Variants in CCND3 observed in about 807,000 individuals in gnomAD.
CCND3 encodes the protein cyclin D3.
In CCND3, 9 loss-of-function variants were observed where a neutral mutation model predicts 28.7. The ratio of observed to expected loss-of-function variants is 0.31; its 90% CI spans 0.19 to 0.55. The LOEUF is 0.55. CCND3 is among the 20% of genes least tolerant of loss of function. CCND3 has a pLI of 0.93. For synonymous variants in CCND3, 164 were observed against 163.9 expected (o/e 1.00, Z 0.00); for missense variants, 315 against 385.8 (o/e 0.82, Z 1.54).
intron 1 of CCND3, among the ~76,000 whole-genome samples, chr6:42,001,351 C>A (rs1488308264): frequency 6.6e-6 from 1 of 151,712 alleles, no homozygotes; most frequent in Non-Finnish European, 1.5e-5. Flanking sequence ...TAGAAACATC[C>A]CAAATGTCTA....
At chr6:42,038,619 A>T (rs1035411575) in intron 1 of CCND3, among the ~76,000 whole-genome samples, 2 of 152,156 alleles carry the variant, frequency 1.3e-5, no homozygotes, top group African/African-American at 4.8e-5. Flanking sequence ...TATAGAAATA[A>T]CCACTAGTTC....
chr6:42,039,694 T>A (rs1764314973), intron 1 of CCND3, among the ~76,000 whole-genome samples: 1 of 152,218 alleles, frequency 6.6e-6, no homozygotes. Flanking sequence ...GTTGGGCTGA[T>A]TCAACCAGAG....
At chr6:41,986,929 T>C (rs1158464943) in intron 1 of CCND3, among the ~76,000 whole-genome samples, 1 of 152,082 alleles carries the variant, frequency 6.6e-6, no homozygotes, top group Non-Finnish European at 1.5e-5. Context: ...GCAATCCTGA[T>C]AGCCACTGCA....
chr6:41,968,436 G>A (rs1397160017), intron 1 of CCND3, among the ~76,000 whole-genome samples: 1 of 152,108 alleles, frequency 6.6e-6, no homozygotes, highest in East Asian at 1.9e-4. Flanking sequence ...AGCTAAGAAG[G>A]ATGCAGCCAA....
At chr6:42,001,167 G>C (rs1029121439) in intron 1 of CCND3, among the ~76,000 whole-genome samples, 3 of 148,614 alleles carry the variant, frequency 2.0e-5, no homozygotes, top group African/African-American at 5.0e-5. Flanking sequence ...CCTAGGAGGT[G>C]GAGGTTGCAG....
In CCND3 at chr6:41,941,171, G is replaced by A. The variant is rs1303701113; in HGVS notation, c.198+281C>T. 1.9e-5 allele frequency: 27 copies of A among 1,452,058 alleles called. No individual in the cohort carries two copies. The Admixed American group carries it at 7.5e-4, about 40-fold the overall frequency. 89.9% of individuals were successfully genotyped at this position (1,452,058 alleles called of 1,614,324 possible). On this transcript the variant is annotated intron_variant, in intron 1 of 4. Transcript: ENST00000372991. This position sits in a 1 kb window ranked among gnomAD's most constrained non-coding sequence, Gnocchi z 6.1. Reference sequence around the variant, plus strand: ...AGGGAAGCGGGAGACGCTGTGAGAAGCCGAAGGGGAGAGAGTGTCCTTGGT... The same window carrying A: ...AGGGAAGCGGGAGACGCTGTGAGAAACCGAAGGGGAGAGAGTGTCCTTGGT...
chr6:41,959,978 A>C (rs1280595891), intron 1 of CCND3, among the ~76,000 whole-genome samples: 1 of 152,146 alleles, frequency 6.6e-6, no homozygotes, highest in African/African-American at 2.4e-5. Context: ...AATGGAAACA[A>C]CCCAACATTT....
chr6:41,974,815 C>T (rs191487146), intron 1 of CCND3, among the ~76,000 whole-genome samples: 1,449 of 105,824 alleles, frequency 0.014, 31 homozygotes, highest in African/African-American at 0.051. Flanking sequence ...TTTTTTGAGA[C>T]GGAGTCTAGC....
chr6:42,020,996 C>T (rs903108854), intron 1 of CCND3, among the ~76,000 whole-genome samples: 13 of 152,208 alleles, frequency 8.5e-5, no homozygotes, highest in African/African-American at 2.4e-4. Flanking sequence ...AGGTGATCCG[C>T]GTGCCTCGGC....
chr6:41,949,283 A>G (rs1776246504), intron 1 of CCND3, among the ~76,000 whole-genome samples: 1 of 152,012 alleles, frequency 6.6e-6, no homozygotes, highest in Non-Finnish European at 1.5e-5. Context: ...GTCGTTCAAG[A>G]CCAGCGAGGC....
chr6:41,937,049 T>C (rs1357726796), intron 3 of CCND3, 186 bp downstream of exon 3: 1 of 653,846 alleles, frequency 1.5e-6, no homozygotes, highest in Admixed American at 2.7e-5. Context: ...CACTACAAAC[T>C]GGAGGGGTCT....
chr6:41,963,439 A>G (rs1761774269), intron 1 of CCND3, among the ~76,000 whole-genome samples: 1 of 152,234 alleles, frequency 6.6e-6, no homozygotes, highest in Non-Finnish European at 1.5e-5. Context: ...TCAGCTTTAC[A>G]TAAGGAAAAG....
rs1442096008 is a variant in CCND3, at chr6:41,940,559, C to T, written c.225G>A (p.Glu75=). Residue 75 remains glutamate (E), a synonymous_variant, in exon 2 of 5, where the codon GAG becomes GAA. Coordinates refer to ENST00000372991, the MANE Select transcript of CCND3 (RefSeq NM_001760.5). ...LEVCEEQRCE[E]EVFPLAMNYL... ...AGTTCATGGCCAGGGGGAAGACTTC[C>T]TCCTCACAGCGCTGCTCCTCACATA... 4.3e-6 allele frequency: 7 copies of T among 1,613,670 alleles called. No individual in the cohort carries two copies. In the Admixed American group the frequency reaches 8.3e-5, roughly 19 times the overall value.
intron 1 of CCND3, among the ~76,000 whole-genome samples, chr6:42,031,814 T>A (rs1205019486): frequency 6.5e-5 from 7 of 107,018 alleles, no homozygotes; most frequent in African/African-American, 6.7e-5. Flanking sequence ...CAACTGACTC[T>A]TTTTTTTTTT....
chr6:42,000,258 T>TTG (rs1762957295), intron 1 of CCND3, among the ~76,000 whole-genome samples: 1 of 119,928 alleles, frequency 8.3e-6, no homozygotes, highest in Non-Finnish European at 1.7e-5. Context: ...TTTTTTTTTT[T>TTG]TTTGGGACAG....
intron 1 of CCND3, among the ~76,000 whole-genome samples, chr6:42,034,217 G>A (rs980353990): frequency 2.1e-4 from 32 of 150,152 alleles, no homozygotes; most frequent in South Asian, 6.3e-4. Flanking sequence ...GTGCGATCTC[G>A]GCTCACTGCA....
At chr6:42,034,923 C>T (rs138330743) in intron 1 of CCND3, among the ~76,000 whole-genome samples, 63 of 152,272 alleles carry the variant, frequency 4.1e-4, no homozygotes, top group African/African-American at 1.3e-3. Flanking sequence ...TAGAAAAATA[C>T]ACTTCCTTGC....
chr6:41,972,029 T>C (rs1762043791), intron 1 of CCND3, among the ~76,000 whole-genome samples: 2 of 148,670 alleles, frequency 1.3e-5, no homozygotes, highest in Non-Finnish European at 3.0e-5. Flanking sequence ...ATCGAGACCA[T>C]CCTGGCTAAC....
intron 1 of CCND3, among the ~76,000 whole-genome samples, chr6:42,022,022 G>A (rs1763725598): frequency 6.6e-6 from 1 of 152,208 alleles, no homozygotes; most frequent in Non-Finnish European, 1.5e-5. Context: ...CTTAAAGGAA[G>A]CAAGCATCAC....
Sources: gnomAD v4.1 joint callset for allele counts (sites outside exome capture counted in the v4.1 genomes callset) on GRCh38, gnomAD v4.1.1 for gene constraint, Gnocchi (gnomAD v3.1) non-coding constraint, MANE v1.5 for transcripts, NCBI Gene and HGNC (gene_info 2026-07-23, HGNC 2026-07-21) for gene names.